The following HUWE1 variants were observed in gnomAD, a reference collection of about 807,000 sequenced individuals.
HUWE1 encodes E3 ubiquitin-protein ligase HUWE1.
A neutral mutation model predicts 299.4 loss-of-function variants in HUWE1; 18 were observed. The ratio of observed to expected loss-of-function variants is 0.06; its 90% CI spans 0.04 to 0.09. The LOEUF is 0.09. Ranked by LOEUF, HUWE1 falls within the 10% of genes least tolerant of loss-of-function variation. HUWE1 has a pLI of 1.00. For missense variants in HUWE1, 1,832 were observed against 3,462.3 expected (o/e 0.53, Z 11.82); for synonymous variants, 1,317 against 1,286.1 (o/e 1.02, Z -0.51).
At chrX:53,634,385 T>A (rs1384506626) in intron 7 of HUWE1, 87 bp from the exon 8 acceptor site, 45 of 616,643 alleles carry the variant, frequency 7.3e-5, no homozygotes, top group Non-Finnish European at 5.0e-5. Context: ...GAGTGAGACC[T>A]TATCTCTCTT....
chrX:53,677,294 T>C (rs1432935476), intron 3 of HUWE1, among the ~76,000 whole-genome samples: 3 of 110,785 alleles, frequency 2.7e-5, no homozygotes, highest in African/African-American at 9.9e-5. Flanking sequence ...TAGGTGATTC[T>C]GATGTTCCCT....
Position 53,595,480 on chromosome X carries a change from CAT to C in HUWE1, c.3164-79_3164-78del, listed in dbSNP as rs1390085659. ...ATTACAACAGACATATTACCATTAA[CAT>C]ATTTTTATGACTCACCACTTCCTCC... On this transcript the variant is annotated intron_variant, in intron 29 of 83. Coordinates refer to ENST00000262854, the MANE Select transcript of HUWE1 (RefSeq NM_031407.7). 6 of 814,521 alleles carry C rather than the reference CAT, an allele frequency of 7.4e-6. No homozygotes were observed. In the African/African-American group the frequency reaches 1.0e-4, roughly 14 times the overall value. 67.1% of individuals were successfully genotyped at this position (814,521 alleles called of 1,213,427 possible). A position where few individuals can be genotyped will look rare whatever the true frequency, so the allele number is the denominator to read the frequency against.
intron 43 of HUWE1, among the ~76,000 whole-genome samples, chrX:53,577,767 G>A (rs1485597009): frequency 1.7e-5 from 2 of 114,654 alleles, no homozygotes; most frequent in Non-Finnish European, 3.7e-5. Flanking sequence ...CGAGTGATCC[G>A]CCAGCCTCGG....
rs782397521 is a variant in HUWE1 at position 53,588,508 on chromosome X, G to C, written c.4488C>G (p.Ile1496Met). Residue 1496 changes from isoleucine to methionine, a missense_variant, in exon 37 of 84, where the codon ATC (isoleucine) becomes ATG (methionine). By Grantham distance (10) the Ile-to-Met change is conservative. This residue lies in a region of HUWE1 where 658 missense variants were observed against 1,282.6 expected (regional missense o/e 0.51). Coordinates refer to ENST00000262854, the MANE Select transcript of HUWE1 (RefSeq NM_031407.7). ...NQVWEAADVL[I>M]KAALPLTTSD... Reference sequence around the variant, plus strand: ...TTGTTGTCAGGGGAAGAGCAGCTTTGATCAATACATCAGCAGCTTCCCACA... The same window carrying C: ...TTGTTGTCAGGGGAAGAGCAGCTTTCATCAATACATCAGCAGCTTCCCACA... The C allele has an allele frequency of 8.3e-7, 1 of 1,205,906 alleles. No individual in the cohort carries two copies. The highest frequency in any genetic ancestry group is 2.2e-5 in the Admixed American group (1 of 45,492).
chrX:53,545,940 A>G lies in HUWE1; in HGVS notation c.10915+496T>C, dbSNP rs969909378. ...CACCCTGGGTTTTGGCTTTCTTCTCAGTAAAACAGGGAGGAAGATGATAGA... is the reference window on the plus strand; with the variant it reads ...CACCCTGGGTTTTGGCTTTCTTCTCGGTAAAACAGGGAGGAAGATGATAGA... On this transcript the variant is annotated intron_variant, in intron 70 of 83. Coordinates refer to ENST00000262854, the MANE Select transcript of HUWE1 (RefSeq NM_031407.7). Among the ~76,000 whole-genome samples, 4 of 111,845 alleles carry G rather than the reference A, an allele frequency of 3.6e-5. No individual in the cohort carries two copies. In the East Asian group the frequency reaches 8.4e-4, roughly 23 times the overall value.
At chrX:53,639,935 T>C (rs1432785508) in intron 7 of HUWE1, among the ~76,000 whole-genome samples, 1 of 112,728 alleles carries the variant, frequency 8.9e-6, no homozygotes, top group African/African-American at 3.2e-5. Context: ...CAGGTTAATA[T>C]TTGTTGGCAA....
At position 53,551,100 on chromosome X, in the gene HUWE1, G is replaced by A; in HGVS notation, c.9186C>T (p.Ile3062=). ...SDTPMDPVTF[I]QTLPSDLRRS... is the part of the protein sequence containing the mutation. ...GGCGCAGGTCTGAGGGCAGAGTCTGGATGAAGGTCACAGGGTCCATAGGGG... is the reference window on the plus strand; with the variant it reads ...GGCGCAGGTCTGAGGGCAGAGTCTGAATGAAGGTCACAGGGTCCATAGGGG... Residue 3062 remains isoleucine, a synonymous_variant, in exon 65 of 84, where the codon ATC becomes ATT. Transcript: ENST00000262854. 1 of 1,211,864 alleles carries A rather than the reference G, an allele frequency of 8.3e-7. No homozygotes were observed.
intron 71 of HUWE1, 49 bp downstream of exon 71, chrX:53,544,980 C>G (rs368762770): frequency 2.2e-5 from 26 of 1,177,413 alleles, no homozygotes; most frequent in Non-Finnish European, 2.9e-5. Context: ...AGCCATCTTC[C>G]AGAATATCCC....
chrX:53,580,586 C>T (rs1166418028), intron 43 of HUWE1, among the ~76,000 whole-genome samples: 1 of 112,043 alleles, frequency 8.9e-6, no homozygotes, highest in Admixed American at 9.4e-5. Context: ...CCAAAATGAG[C>T]TCTTTGAAGT....
At chrX:53,683,428 C>G (rs1259032702) in intron 2 of HUWE1, among the ~76,000 whole-genome samples, 1 of 111,021 alleles carries the variant, frequency 9.0e-6, no homozygotes, top group East Asian at 2.8e-4. Flanking sequence ...CGGAGGTTGG[C>G]CGGCAGAAAA....
intron 53 of HUWE1, 88 bp from the exon 54 acceptor site, chrX:53,562,332 A>T (rs782623087): frequency 3.0e-5 from 32 of 1,078,584 alleles, no homozygotes; most frequent in Non-Finnish European, 3.9e-5. Context: ...TGGGAAGGTG[A>T]TGGGATATCT....
intron 17 of HUWE1, 122 bp from the exon 18 acceptor site, chrX:53,625,380 A>C: frequency 2.0e-6 from 1 of 510,958 alleles, no homozygotes; most frequent in Non-Finnish European, 3.6e-6. Flanking sequence ...AGACATTCGA[A>C]GTGAGGTCTC....
At chrX:53,686,012 G>A (rs782129203) in intron 2 of HUWE1, among the ~76,000 whole-genome samples, 9 of 112,178 alleles carry the variant, frequency 8.0e-5, no homozygotes, top group Non-Finnish European at 5.6e-5. Context: ...TTGGATTCCC[G>A]GATATAAGAA....
intron 59 of HUWE1, among the ~76,000 whole-genome samples, chrX:53,558,264 G>A (rs1420904446): frequency 3.6e-5 from 4 of 111,538 alleles, no homozygotes; most frequent in East Asian, 2.8e-4. Flanking sequence ...CTCAAATGAC[G>A]GAATGGGGTC....
chrX:53,614,804 C>G (rs2065699596), intron 22 of HUWE1, 59 bp from the exon 23 acceptor site: 1 of 816,384 alleles, frequency 1.2e-6, no homozygotes, highest in South Asian at 2.1e-5. Context: ...GAGGAGGAGA[C>G]AGCTAACATA....
Position 53,585,196 on chromosome X carries a change from TA to T in HUWE1, c.4825-9del, listed in dbSNP as rs1418847866. On this transcript the variant is annotated splice_polypyrimidine_tract_variant and intron_variant, in intron 39 of 83. Transcript: ENST00000262854. ...GCTGTTGGATTGCAGGTACTAAACA[TA>T]AAAGTACAAAGTTTCTTTGTATTTC... is the stretch of plus-strand genomic sequence containing the variant. 9.1e-6 allele frequency: 11 copies of T among 1,209,414 alleles called. No homozygotes were observed. The highest frequency in any genetic ancestry group is 6.7e-6 in the Non-Finnish European group (6 of 893,193).
chrX:53,616,933 T>A (rs369663121), intron 21 of HUWE1, 37 bp downstream of exon 21: 23 of 1,135,021 alleles, frequency 2.0e-5, no homozygotes, highest in Non-Finnish European at 1.1e-5. Context: ...GCAAACTAAA[T>A]CAATTTTCTA....
intron 61 of HUWE1, among the ~76,000 whole-genome samples, chrX:53,553,793 G>A (rs2061874173): frequency 9.1e-6 from 1 of 109,295 alleles, no homozygotes; most frequent in African/African-American, 3.3e-5. Context: ...CTGGGTGACA[G>A]AGCGAGACTT....
chrX:53,666,698 C>T (rs2069268855), intron 3 of HUWE1, among the ~76,000 whole-genome samples: 1 of 111,235 alleles, frequency 9.0e-6, no homozygotes. Context: ...TCCCCACATG[C>T]TTTATTTAGC....
Sources: allele counts gnomAD v4.1 joint callset (sites outside exome capture counted in the v4.1 genomes callset), GRCh38; gene constraint gnomAD v4.1.1; regional missense constraint gnomAD v4.1.1; transcripts MANE v1.5; gene names NCBI Gene and HGNC (gene_info 2026-07-23, HGNC 2026-07-21).